HK2: variants seen among roughly 807,000 people sequenced by gnomAD.
HK2 encodes hexokinase 2, also known as hexokinase-2.
In HK2, 42 loss-of-function variants were observed where a neutral mutation model predicts 92.9. That is an observed-to-expected ratio of 0.45 (90% confidence interval 0.35 to 0.58). The LOEUF is 0.58. Among genes scored for constraint, HK2 ranks in the 20% least tolerant of loss-of-function variants. The pLI, the probability that HK2 is intolerant of heterozygous loss-of-function variation, is 0.00. For synonymous variants in HK2, 422 were observed against 468.0 expected, an observed-to-expected ratio of 0.90 and a Z score of 1.27; for missense variants, 978 against 1,245.1, an observed-to-expected ratio of 0.79 and a Z score of 3.23.
intron 10 of HK2, among the ~76,000 whole-genome samples, chr2:74,880,987 A>G (rs774266084): frequency 7.9e-5 from 12 of 152,248 alleles, no homozygotes; most frequent in Non-Finnish European, 1.5e-4. Flanking sequence ...TGCTCTTGCA[A>G]TCACCACATT....
At chr2:74,877,466 G>T (rs1377949474) in intron 8 of HK2, 145 bp downstream of exon 8, 6 of 881,746 alleles carry the variant, frequency 6.8e-6, no homozygotes, top group Non-Finnish European at 1.1e-5. Flanking sequence ...TGGCGGGCCT[G>T]TGGCTTCACT....
chr2:74,860,151 A>G (rs1440450515), intron 2 of HK2, among the ~76,000 whole-genome samples: 8 of 125,212 alleles, frequency 6.4e-5, no homozygotes. Context: ...ATGATAGACC[A>G]TGGAGACTTG....
At chr2:74,881,001 C>A (rs933221870) in intron 10 of HK2, among the ~76,000 whole-genome samples, 2 of 152,232 alleles carry the variant, frequency 1.3e-5, no homozygotes, top group African/African-American at 4.8e-5. Flanking sequence ...CCACATTGGT[C>A]TGAGTCAGGG....
In HK2 at chr2:74,854,304, T is replaced by A; in HGVS notation, c.75T>A (p.Tyr25Ter). ...NHDQVQKVDQ[Y>*]LYHMRLSDET... ...TCCTCCTTTTTCAGGTTGACCAGTA[T>A]CTCTACCACATGCGCCTCTCTGATG... The change falls in exon 2 of 18, where the codon TAT (tyrosine) becomes TAA (stop). Residue 25 changes from tyrosine to a stop codon, truncating the protein, a stop_gained. Coordinates refer to ENST00000290573, the MANE Select transcript of HK2 (RefSeq NM_000189.5). LOFTEE classifies it high-confidence loss of function. 1 of 1,612,610 alleles carries A rather than the reference T, an allele frequency of 6.2e-7. No homozygotes were observed. The highest frequency in any genetic ancestry group is 8.5e-7 in the Non-Finnish European group (1 of 1,180,018).
chr2:74,872,342 A>G lies in HK2; in HGVS notation c.418A>G (p.Lys140Glu), dbSNP rs1689117045. The change falls in exon 4 of 18, where the codon AAG becomes GAG. Residue 140 changes from lysine to glutamate, a missense_variant. Coordinates refer to ENST00000290573, the MANE Select transcript of HK2 (RefSeq NM_000189.5). ...IAECLANFMD[K>E]LQIKDKKLPL... ...CGAATGCCTGGCTAACTTCATGGAT[A>G]AGCTACAAATCAAAGACAAGAAGCT... 1 of 1,613,858 alleles carries G rather than the reference A, an allele frequency of 6.2e-7. No homozygotes were observed. The highest frequency in any genetic ancestry group is 1.3e-5 in the African/African-American group (1 of 74,886).
intron 7 of HK2, among the ~76,000 whole-genome samples, chr2:74,875,833 G>C (rs1689217100): frequency 6.6e-6 from 1 of 152,090 alleles, no homozygotes; most frequent in Admixed American, 6.5e-5. Context: ...AGGAACTAAA[G>C]GCCCTTTCAA....
intron 1 of HK2, among the ~76,000 whole-genome samples, chr2:74,839,951 C>CTTTT (rs773321768): frequency 3.1e-5 from 3 of 97,050 alleles, no homozygotes; most frequent in Non-Finnish European, 4.2e-5. Flanking sequence ...TGCGCCTGGC[C>CTTTT]TTTTTTTTTT....
chr2:74,835,403 C>T (rs1202883654), intron 1 of HK2: 1 of 152,472 alleles, frequency 6.6e-6, no homozygotes, highest in Non-Finnish European at 1.5e-5. Flanking sequence ...GAGGCCAACG[C>T]GCCGCGTTCC....
chr2:74,860,165 G>T (rs1688790733), intron 2 of HK2, among the ~76,000 whole-genome samples: 1 of 150,942 alleles, frequency 6.6e-6, no homozygotes, highest in African/African-American at 2.4e-5. Flanking sequence ...AGACTTGGAA[G>T]GGTGAGGGTA....
chr2:74,872,706 T>C (rs1009481181), intron 4 of HK2, among the ~76,000 whole-genome samples: 2 of 152,166 alleles, frequency 1.3e-5, no homozygotes, highest in East Asian at 1.9e-4. Context: ...TAAAGTGTTA[T>C]GATAAAGACC....
intron 2 of HK2, 145 bp downstream of exon 2, chr2:74,854,600 T>A: frequency 1.1e-6 from 1 of 895,740 alleles, no homozygotes; most frequent in Non-Finnish European, 1.8e-6. Flanking sequence ...GAAGGCTGTG[T>A]GACGGATGGA....
chr2:74,860,605 T>G (rs1443052563), intron 2 of HK2, among the ~76,000 whole-genome samples: 1 of 152,246 alleles, frequency 6.6e-6, no homozygotes, highest in Non-Finnish European at 1.5e-5. Flanking sequence ...TTTTGGCTGC[T>G]GATTCCATGG....
At chr2:74,847,851 A>G (rs1688479899) in intron 1 of HK2, among the ~76,000 whole-genome samples, 1 of 152,190 alleles carries the variant, frequency 6.6e-6, no homozygotes, top group African/African-American at 2.4e-5. Flanking sequence ...TTCTCCTGAC[A>G]CTAACCCTTA....
intron 1 of HK2, among the ~76,000 whole-genome samples, chr2:74,849,669 G>A (rs538949987): frequency 6.6e-6 from 1 of 152,346 alleles, no homozygotes; most frequent in South Asian, 2.1e-4. Flanking sequence ...GTGACCCTGG[G>A]TGGAGAGAAG....
intron 8 of HK2, among the ~76,000 whole-genome samples, chr2:74,877,851 T>C (rs1689272033): frequency 6.6e-6 from 1 of 152,208 alleles, no homozygotes. Context: ...ATTTTTGTTG[T>C]TGTTAACAAT....
intron 7 of HK2, among the ~76,000 whole-genome samples, chr2:74,875,700 G>C (rs1374906615): frequency 6.6e-6 from 1 of 152,192 alleles, no homozygotes; most frequent in African/African-American, 2.4e-5. Context: ...GTTGAAATGA[G>C]TCCTTTACTT....
intron 15 of HK2, among the ~76,000 whole-genome samples, chr2:74,887,298 A>G (rs1183712758): frequency 6.6e-6 from 1 of 152,032 alleles, no homozygotes; most frequent in African/African-American, 2.4e-5. Flanking sequence ...TGAAGGAAGC[A>G]GGCTGGGTCA....
At chr2:74,890,761 A>T (rs1689656751) in intron 17 of HK2, 36 bp from the exon 18 acceptor site, 2 of 1,613,030 alleles carry the variant, frequency 1.2e-6, no homozygotes, top group Non-Finnish European at 1.7e-6. Flanking sequence ...CATGACTAAG[A>T]TGGTTTTTCC....
intron 1 of HK2, among the ~76,000 whole-genome samples, chr2:74,836,512 T>C (rs531348421): frequency 6.6e-6 from 1 of 152,328 alleles, no homozygotes; most frequent in African/African-American, 2.4e-5. Flanking sequence ...CTTTATGGAG[T>C]TGCGATTATT....
Sources: gnomAD v4.1 joint callset for allele counts (sites outside exome capture counted in the v4.1 genomes callset) on GRCh38, gnomAD v4.1.1 for gene constraint, MANE v1.5 for transcripts, NCBI Gene and HGNC (gene_info 2026-07-23, HGNC 2026-07-21) for gene names.